Variants in DGKH observed in about 807,000 individuals in gnomAD.
The protein encoded by DGKH is DAG kinase eta.
Under a neutral mutation model 159.3 loss-of-function variants are expected in DGKH, and 90 were observed. That is an observed-to-expected ratio of 0.57 (90% CI 0.48 to 0.67). DGKH has a LOEUF of 0.67. DGKH is among the 30% of genes least tolerant of loss of function. DGKH has a pLI of 0.00. For missense variants in DGKH, 1,181 were observed against 1,506.1 expected (o/e 0.78, Z 3.57); for synonymous variants, 536 against 553.8 (o/e 0.97, Z 0.45).
At chr13:42,077,825 T>C (rs986586065) in intron 1 of DGKH, among the ~76,000 whole-genome samples, 3 of 152,260 alleles carry the variant, frequency 2.0e-5, no homozygotes, top group African/African-American at 7.2e-5. Context: ...CCAGCTATAA[T>C]GTGAGCTGCA....
At chr13:42,217,132 G>A in intron 26 of DGKH, among the ~76,000 whole-genome samples, 1 of 152,164 alleles carries the variant, frequency 6.6e-6, no homozygotes, top group East Asian at 1.9e-4. Flanking sequence ...GTATTTGAGA[G>A]CAACTAAGGT....
At chr13:42,246,852 C>G (rs1227621552), downstream of DGKH, among the ~76,000 whole-genome samples, 1 of 152,146 alleles carries the variant, frequency 6.6e-6, no homozygotes, top group East Asian at 1.9e-4. Context: ...TGACTGCTCC[C>G]CATGGTGAGA....
At chr13:42,107,143 G>A (rs890528371) in intron 1 of DGKH, among the ~76,000 whole-genome samples, 4 of 152,244 alleles carry the variant, frequency 2.6e-5, no homozygotes, top group African/African-American at 9.6e-5. Flanking sequence ...ACATAGAATT[G>A]CAAATGAGTG....
intron 1 of DGKH, among the ~76,000 whole-genome samples, chr13:42,056,655 T>C (rs1465646072): frequency 6.6e-6 from 1 of 152,200 alleles, no homozygotes; most frequent in African/African-American, 2.4e-5. Flanking sequence ...TGTACCCATA[T>C]CCCTTTCACA....
At chr13:42,215,451 GA>G (rs1957765664) in intron 25 of DGKH, 123 bp from the exon 26 acceptor site, 3 of 682,222 alleles carry the variant, frequency 4.4e-6, no homozygotes, top group Non-Finnish European at 6.8e-6. Context: ...TGCGATTATA[GA>G]ATTTTGGTAG....
rs566625209 is a variant in DGKH at position 42,054,816 on chromosome 13, T to A, written c.192+5851T>A. Among the ~76,000 whole-genome samples, 10 of 152,302 alleles carry A rather than the reference T, an allele frequency of 6.6e-5. No homozygotes were observed. In the South Asian group the frequency reaches 2.1e-3, roughly 32 times the overall value. ...CTTGATTTAATCATTTCACAATGAA[T>A]ACATACATGAAAAATCACTCCATGT... On this transcript the variant is annotated intron_variant, in intron 1 of 29. Coordinates refer to ENST00000337343, the MANE Select transcript of DGKH (RefSeq NM_178009.5).
At chr13:42,144,562 C>T (rs1317063302) in intron 3 of DGKH, among the ~76,000 whole-genome samples, 1 of 152,006 alleles carries the variant, frequency 6.6e-6, no homozygotes, top group Non-Finnish European at 1.5e-5. Flanking sequence ...TGGCGCGTGC[C>T]TGTAATTCCA....
intron 3 of DGKH, among the ~76,000 whole-genome samples, chr13:42,135,611 GTTCATTTAAAAAAA>G (rs1246513791): frequency 6.7e-6 from 1 of 149,768 alleles, no homozygotes; most frequent in Non-Finnish European, 1.5e-5. Flanking sequence ...CTTTTTTGTT[GTTCATTTAAAAAAA>G]TTCATTTTAA....
chr13:42,244,903 C>CAAAAA (rs57184890), downstream of DGKH, among the ~76,000 whole-genome samples: 175 of 42,980 alleles, frequency 4.1e-3, 8 homozygotes, highest in East Asian at 0.014. Flanking sequence ...GACTCCGTCT[C>CAAAAA]AAAAAAAAAA....
chr13:42,157,974 G>A (rs1956084401), intron 5 of DGKH, among the ~76,000 whole-genome samples: 2 of 152,118 alleles, frequency 1.3e-5, no homozygotes, highest in Non-Finnish European at 2.9e-5. Context: ...TGACCAGGCT[G>A]GTCTCAAACT....
chr13:42,206,062 T>C lies in DGKH; in HGVS notation c.2517T>C (p.Leu839=). The change falls in exon 21 of 30, where the codon CTT becomes CTC. Residue 839 remains leucine, a synonymous_variant. Transcript: ENST00000337343. Reference sequence around the variant, plus strand: ...AGTGTGATGGGCAGTATATTCCTCTTCCCAGCTTGCAAGGCATAGCCGTGT... The same window carrying C: ...AGTGTGATGGGCAGTATATTCCTCTCCCCAGCTTGCAAGGCATAGCCGTGT... ...QLECDGQYIP[L]PSLQGIAVLN... 2 of 1,431,272 alleles carry C rather than the reference T, an allele frequency of 1.4e-6. No individual in the cohort carries two copies. Among genetic ancestry groups the C allele is most frequent in the East Asian group, 2.6e-5 (1 of 37,916 alleles). The allele number at this position is 1,431,272 out of a possible 1,614,324, so 88.7% of individuals were successfully genotyped here.
At chr13:42,137,613 C>G (rs951153087) in intron 3 of DGKH, among the ~76,000 whole-genome samples, 2 of 152,094 alleles carry the variant, frequency 1.3e-5, no homozygotes, top group Non-Finnish European at 2.9e-5. Context: ...ATTACATGTT[C>G]AGTTGTTTTT....
At chr13:42,086,035 C>T (rs1221627432) in intron 1 of DGKH, among the ~76,000 whole-genome samples, 1 of 152,048 alleles carries the variant, frequency 6.6e-6, no homozygotes, top group Non-Finnish European at 1.5e-5. Flanking sequence ...TCTCGTGCCT[C>T]AGCCCTTGAG....
chr13:42,206,375 T>C (rs1957473291), intron 21 of DGKH, among the ~76,000 whole-genome samples: 1 of 152,222 alleles, frequency 6.6e-6, no homozygotes, highest in African/African-American at 2.4e-5. Flanking sequence ...TCTTGGGATG[T>C]ATGTCACAAT....
chr13:42,134,901 C>T lies in DGKH; in HGVS notation c.384+5269C>T, dbSNP rs535944289. ...CTGAGGCAGGAGAATTGCTTGAACCCGGGAAGCGGAGGTTGCAGTGAGCCG... is the reference window on the plus strand; with the variant it reads ...CTGAGGCAGGAGAATTGCTTGAACCTGGGAAGCGGAGGTTGCAGTGAGCCG... On this transcript the variant is annotated intron_variant, in intron 3 of 29. Coordinates refer to ENST00000337343, the MANE Select transcript of DGKH (RefSeq NM_178009.5). Among the ~76,000 whole-genome samples the T allele has an allele frequency of 2.0e-3, 308 of 152,134 alleles. 3 individuals are homozygous for T. The highest frequency in any genetic ancestry group is 0.01 in the Middle Eastern group (3 of 292).
intron 8 of DGKH, among the ~76,000 whole-genome samples, chr13:42,166,047 C>T (rs1267464707): frequency 2.0e-5 from 3 of 152,060 alleles, no homozygotes; most frequent in Admixed American, 2.0e-4. Flanking sequence ...CCAATTCCCC[C>T]AAAATATACA....
rs1958465573 is a variant in DGKH, at chr13:42,238,755, G to A, written c.*9567G>A. 6.6e-6 allele frequency: 1 copy of A among 152,076 alleles called. No homozygotes were observed. Among genetic ancestry groups the A allele is most frequent in the Admixed American group, 6.6e-5 (1 of 15,258 alleles). 9.4% of individuals were successfully genotyped at this position (152,076 alleles called of 1,614,324 possible). Reference sequence around the variant, plus strand: ...AATGGAACTCTGGGTATGATTAAGGGAATTAAATTAGAAAGTAGAATAACC... The same window carrying A: ...AATGGAACTCTGGGTATGATTAAGGAAATTAAATTAGAAAGTAGAATAACC... On this transcript the variant is annotated 3_prime_UTR_variant, in exon 30 of 30. Coordinates refer to ENST00000337343, the MANE Select transcript of DGKH (RefSeq NM_178009.5).
chr13:42,160,035 G>C lies in DGKH; in HGVS notation c.754G>C (p.Glu252Gln). Reference protein sequence around the residue: ...DGVAMPHQWLEGNLPVSAKCA... With the variant: ...DGVAMPHQWLQGNLPVSAKCA... ...GGTCGCGATGCCTCACCAGTGGCTT[G>C]AGGGCAACCTGCCTGTAAGTGCCAA... Residue 252 changes from glutamate to glutamine, a missense_variant, in exon 7 of 30, where the codon GAG (glutamate) becomes CAG (glutamine). Glu to Gln is a conservative substitution (Grantham distance 29). This residue lies in a region of DGKH where 369 missense variants were observed against 519.4 expected (regional missense o/e 0.71). Coordinates refer to ENST00000337343, the MANE Select transcript of DGKH (RefSeq NM_178009.5). 6.2e-7 allele frequency: 1 copy of C among 1,612,772 alleles called. No individual in the cohort carries two copies. The highest frequency in any genetic ancestry group is 8.5e-7 in the Non-Finnish European group (1 of 1,179,846).
chr13:42,116,653 A>C (rs892327228), intron 1 of DGKH, among the ~76,000 whole-genome samples: 1 of 152,260 alleles, frequency 6.6e-6, no homozygotes, highest in Non-Finnish European at 1.5e-5. Context: ...GGCTGTTTTT[A>C]AAGTTGCATT....
Sources: gnomAD v4.1 joint callset for allele counts (sites outside exome capture counted in the v4.1 genomes callset) on GRCh38, gnomAD v4.1.1 for gene constraint, gnomAD v4.1.1 regional missense constraint, MANE v1.5 for transcripts, NCBI Gene and HGNC (gene_info 2026-07-23, HGNC 2026-07-21) for gene names.